The following SNX29 variants were observed in gnomAD, a reference collection of about 807,000 sequenced individuals.
SNX29 encodes sorting nexin-29.
In SNX29, 78 loss-of-function variants were observed where a neutral mutation model predicts 102.1. That is an observed-to-expected ratio of 0.76 (90% CI 0.64 to 0.92). SNX29 has a LOEUF of 0.92. Among genes scored for constraint, SNX29 ranks in the 40% least tolerant of loss-of-function variants. The pLI, the probability that SNX29 is intolerant of heterozygous loss-of-function variation, is 0.00. For missense variants in SNX29, 1,280 were observed against 1,061.7 expected, an observed-to-expected ratio of 1.21 and a Z score of -2.86; for synonymous variants, 580 against 414.5, an observed-to-expected ratio of 1.40 and a Z score of -4.85.
At chr16:12,122,043 T>A (rs1053957016) in intron 11 of SNX29, among the ~76,000 whole-genome samples, 3 of 152,190 alleles carry the variant, frequency 2.0e-5, no homozygotes, top group Admixed American at 6.5e-5. Flanking sequence ...CTTCATCTCC[T>A]GACCTGAAGT....
At chr16:12,311,533 G>C (rs1479169110) in intron 15 of SNX29, among the ~76,000 whole-genome samples, 1 of 152,246 alleles carries the variant, frequency 6.6e-6, no homozygotes, top group Admixed American at 6.5e-5. Context: ...GGTTGAGCTT[G>C]CAGCTCCCTC....
chr16:12,544,165 G>T (rs1305448660), intron 20 of SNX29, among the ~76,000 whole-genome samples: 1 of 152,204 alleles, frequency 6.6e-6, no homozygotes, highest in African/African-American at 2.4e-5. Flanking sequence ...AAGAACACGG[G>T]ATGGGAATCG....
At chr16:12,460,634 G>A (rs1002472404) in intron 18 of SNX29, among the ~76,000 whole-genome samples, 1 of 151,394 alleles carries the variant, frequency 6.6e-6, no homozygotes, top group Non-Finnish European at 1.5e-5. Context: ...TGGCTGGCTG[G>A]CTGCCTCACA....
At chr16:12,538,781 G>T (rs11643978) in intron 20 of SNX29, among the ~76,000 whole-genome samples, 1 of 152,088 alleles carries the variant, frequency 6.6e-6, no homozygotes, top group African/African-American at 2.4e-5. Context: ...ATGTCACATC[G>T]CCAAGGGGGA....
At chr16:12,323,203 G>A (rs887603559) in intron 15 of SNX29, among the ~76,000 whole-genome samples, 2 of 133,962 alleles carry the variant, frequency 1.5e-5, no homozygotes, top group African/African-American at 2.7e-5. Flanking sequence ...GTCAGGATGT[G>A]GTCACTGGAG....
chr16:12,552,935 A>G (rs1473165778), intron 20 of SNX29, among the ~76,000 whole-genome samples: 2 of 152,230 alleles, frequency 1.3e-5, no homozygotes, highest in Non-Finnish European at 2.9e-5. Context: ...TCCTGGCCTT[A>G]TATGCCACGT....
intron 18 of SNX29, among the ~76,000 whole-genome samples, 165 bp downstream of exon 18, chr16:12,403,694 G>A (rs937631869): frequency 2.0e-5 from 3 of 152,214 alleles, no homozygotes; most frequent in Non-Finnish European, 4.4e-5. Context: ...GAAGAAGTCT[G>A]TGGCTTTCAG....
intron 14 of SNX29, among the ~76,000 whole-genome samples, chr16:12,260,571 G>A (rs887554688): frequency 1.3e-5 from 2 of 152,146 alleles, no homozygotes; most frequent in African/African-American, 4.8e-5. Flanking sequence ...TGTGGGGTGG[G>A]GGCATCCATG....
chr16:12,519,955 G>A (rs1188361579), intron 19 of SNX29, among the ~76,000 whole-genome samples: 3 of 152,062 alleles, frequency 2.0e-5, no homozygotes, highest in Admixed American at 2.0e-4. Context: ...CTGCACTCCA[G>A]CCTGGGCGAC....
intron 20 of SNX29, among the ~76,000 whole-genome samples, chr16:12,552,324 C>G (rs1253593683): frequency 6.6e-6 from 1 of 152,176 alleles, no homozygotes; most frequent in Non-Finnish European, 1.5e-5. Flanking sequence ...GATAATGGAA[C>G]TCCTCTCCTG....
intron 15 of SNX29, among the ~76,000 whole-genome samples, chr16:12,318,015 G>A (rs773079153): frequency 1.2e-4 from 18 of 152,314 alleles, no homozygotes; most frequent in East Asian, 1.9e-4. Flanking sequence ...TTGTCATCAC[G>A]CCACCGATGG....
intron 13 of SNX29, among the ~76,000 whole-genome samples, chr16:12,162,371 C>G (rs1198132499): frequency 6.6e-6 from 1 of 152,162 alleles, no homozygotes; most frequent in African/African-American, 2.4e-5. Flanking sequence ...CCAGGGCATC[C>G]ACACCCTCCT....
intron 8 of SNX29, among the ~76,000 whole-genome samples, chr16:12,057,114 C>A (rs55845335): frequency 0.36 from 54,081 of 152,054 alleles, 10,393 homozygotes; most frequent in Middle Eastern, 0.49. Flanking sequence ...GAGCCAGGCC[C>A]AGATGGGGCT....
chr16:12,255,026 T>A (rs2078528344), intron 14 of SNX29, among the ~76,000 whole-genome samples: 1 of 152,188 alleles, frequency 6.6e-6, no homozygotes, highest in East Asian at 1.9e-4. Flanking sequence ...TATTGAAGTA[T>A]CATTGACAAC....
At chr16:12,430,330 G>T (rs1213383643) in intron 18 of SNX29, among the ~76,000 whole-genome samples, 2 of 152,204 alleles carry the variant, frequency 1.3e-5, no homozygotes, top group East Asian at 3.8e-4. Context: ...TTGGAGGGTG[G>T]TTGTGAAGTG....
At chr16:12,089,734 G>C (rs1448873571) in intron 11 of SNX29, 1 of 262,258 alleles carries the variant, frequency 3.8e-6, no homozygotes, top group African/African-American at 2.3e-5. Flanking sequence ...GAAGCCAGTG[G>C]AGGACTTGAA....
At position 12,129,705 on chromosome 16, in the gene SNX29, G is replaced by C. The variant is rs2054371251; in HGVS notation, c.1542G>C (p.Arg514Ser). 1 of 1,610,974 alleles carries C rather than the reference G, an allele frequency of 6.2e-7. No homozygotes were observed. Reference protein sequence around the residue: ...ALRQEVDTLKRKVAEQEERQG... With the variant: ...ALRQEVDTLKSKVAEQEERQG... ...GGCAAGAGGTGGACACCTTGAAAAG[G>C]AAGGTGGCTGAACAGGAGGAGCGGC... The change falls in exon 13 of 21, where the codon AGG becomes AGC. Residue 514 changes from arginine to serine, a missense_variant. Arg to Ser is a moderately radical substitution (Grantham distance 110). Coordinates refer to ENST00000566228, the MANE Select transcript of SNX29 (RefSeq NM_032167.5).
At chr16:12,104,626 T>G (rs1405253819) in intron 11 of SNX29, among the ~76,000 whole-genome samples, 1 of 152,034 alleles carries the variant, frequency 6.6e-6, no homozygotes, top group East Asian at 1.9e-4. Context: ...TTCTTTGACC[T>G]TCAGGTTCTC....
chr16:12,567,986 C>CTTGG, intron 20 of SNX29, among the ~76,000 whole-genome samples: 1 of 150,986 alleles, frequency 6.6e-6, no homozygotes, highest in Non-Finnish European at 1.5e-5. Context: ...TTCCACTGTT[C>CTTGG]CTGGCTCTTA....
Sources: gnomAD v4.1 joint callset for allele counts (sites outside exome capture counted in the v4.1 genomes callset) on GRCh38, gnomAD v4.1.1 for gene constraint, MANE v1.5 for transcripts, NCBI Gene and HGNC (gene_info 2026-07-23, HGNC 2026-07-21) for gene names.